The following SNX25 variants were observed in gnomAD, a reference collection of about 807,000 sequenced individuals.
SNX25 encodes sorting nexin 25, also known as sorting nexin-25.
Under a neutral mutation model 113.7 loss-of-function variants are expected in SNX25, and 62 were observed. The observed-to-expected ratio is 0.55, with a 90% CI of 0.44 to 0.67. The LOEUF (loss-of-function observed/expected upper bound fraction) is 0.67. Ranked by LOEUF, SNX25 falls within the 30% of genes least tolerant of loss-of-function variation. The probability of loss-of-function intolerance (pLI) is 0.00; values close to 1 mark genes in which losing one functional copy is unlikely to be tolerated. For missense variants in SNX25, 1,014 were observed against 1,161.0 expected (o/e 0.87, Z 1.84); for synonymous variants, 421 against 436.2 (o/e 0.97, Z 0.43).
intron 12 of SNX25, among the ~76,000 whole-genome samples, chr4:185,345,179 CT>C (rs1195763960): frequency 6.6e-6 from 1 of 152,202 alleles, no homozygotes; most frequent in Non-Finnish European, 1.5e-5. Flanking sequence ...CTTTCCTCGT[CT>C]GTGGACTGAT....
At chr4:185,289,826 C>T (rs1320128697) in intron 6 of SNX25, among the ~76,000 whole-genome samples, 3 of 152,130 alleles carry the variant, frequency 2.0e-5, no homozygotes, top group African/African-American at 7.2e-5. Flanking sequence ...AGCAAAATAC[C>T]TTTCTTATTT....
chr4:185,331,911 A>T (rs1383050671), intron 9 of SNX25, among the ~76,000 whole-genome samples: 1 of 152,252 alleles, frequency 6.6e-6, no homozygotes, highest in African/African-American at 2.4e-5. Context: ...AAAACCTGGA[A>T]GAAAGTTAAG....
intron 1 of SNX25, among the ~76,000 whole-genome samples, chr4:185,234,817 T>C (rs1482171993): frequency 6.6e-6 from 1 of 152,262 alleles, no homozygotes; most frequent in Admixed American, 6.5e-5. Flanking sequence ...AATAATTCAT[T>C]AATTTAAATA....
At chr4:185,241,394 G>C (rs1461707643) in intron 1 of SNX25, among the ~76,000 whole-genome samples, 6 of 149,908 alleles carry the variant, frequency 4.0e-5, no homozygotes, top group African/African-American at 1.5e-4. Flanking sequence ...AGGAGAATCA[G>C]GCAGGGAGGT....
chr4:185,339,274 C>A, intron 10 of SNX25, 105 bp from the exon 11 acceptor site: 2 of 1,065,994 alleles, frequency 1.9e-6, no homozygotes, highest in South Asian at 3.6e-5. Context: ...GTTAGTGTAT[C>A]GAAACACAGC....
intron 14 of SNX25, 87 bp downstream of exon 14, chr4:185,351,696 C>T (rs1486103115): frequency 1.4e-6 from 2 of 1,388,662 alleles, no homozygotes; most frequent in East Asian, 4.6e-5. Flanking sequence ...GCAAATCCCT[C>T]TATTTTCAGT....
At chr4:185,251,621 G>GTGTA (rs1560935709) in intron 2 of SNX25, among the ~76,000 whole-genome samples, 1 of 106,498 alleles carries the variant, frequency 9.4e-6, no homozygotes, top group Non-Finnish European at 2.3e-5. Flanking sequence ...GTGTGTGTGT[G>GTGTA]TGTGTGTGTG....
In SNX25 at chr4:185,363,309, T is replaced by C; in HGVS notation, c.2935-76T>C. On this transcript the variant is annotated intron_variant, in intron 18 of 18. Transcript: ENST00000652585. This position sits in a 1 kb window ranked among gnomAD's most constrained non-coding sequence, Gnocchi z 4.2. ...CAGACCTAAAATTAGACTTTTCTCTTAGATGCAGATATTTATTTTGAATAA... is the reference window on the plus strand; with the variant it reads ...CAGACCTAAAATTAGACTTTTCTCTCAGATGCAGATATTTATTTTGAATAA... 7.2e-7 allele frequency: 1 copy of C among 1,390,416 alleles called. No homozygotes were observed. The highest frequency in any genetic ancestry group is 1.0e-6 in the Non-Finnish European group (1 of 993,188). 86.1% of individuals were successfully genotyped at this position (1,390,416 alleles called of 1,614,324 possible).
At chr4:185,370,851 C>G, downstream of SNX25, 2 of 1,607,624 alleles carry the variant, frequency 1.2e-6, no homozygotes, top group South Asian at 2.2e-5. Context: ...GAAAAGACAT[C>G]AGTTATGGTA....
chr4:185,259,967 G>T (rs1407845080), intron 3 of SNX25, among the ~76,000 whole-genome samples: 1 of 152,050 alleles, frequency 6.6e-6, no homozygotes, highest in East Asian at 1.9e-4. Context: ...AGGTTTACGA[G>T]GCCAAAATCC....
At chr4:185,366,097 A>G (rs892678672), downstream of SNX25, 8 of 152,244 alleles carry the variant, frequency 5.3e-5, no homozygotes, top group African/African-American at 1.9e-4. Context: ...AAAAAAAGGA[A>G]TAGTTAAGGT....
In SNX25 at chr4:185,323,641, T is replaced by C. The variant is rs2095136255; in HGVS notation, c.1590T>C (p.Asn530=). ...AAATTCAGCAGTGTCTTGTAGGAAA[T>C]AAAGGTATTGAAGTATTCTACAAAA... ...YKEIQQCLVG[N]KGIEVFYKIQ... The change falls in exon 9 of 19, where the codon AAT becomes AAC. Residue 530 remains asparagine, a synonymous_variant. Coordinates refer to ENST00000652585, the MANE Select transcript of SNX25 (RefSeq NM_001378034.2). 1.9e-6 allele frequency: 3 copies of C among 1,613,676 alleles called. No individual in the cohort carries two copies. Among genetic ancestry groups the C allele is most frequent in the Non-Finnish European group, 2.5e-6 (3 of 1,179,768 alleles).
chr4:185,216,854 T>G (rs2126318067), intron 1 of SNX25, among the ~76,000 whole-genome samples: 1 of 152,216 alleles, frequency 6.6e-6, no homozygotes, highest in South Asian at 2.1e-4. Flanking sequence ...AGCAAAATCA[T>G]CTAAAGGAAG....
chr4:185,276,199 A>G (rs180980350), intron 5 of SNX25, among the ~76,000 whole-genome samples: 44 of 152,348 alleles, frequency 2.9e-4, no homozygotes, highest in East Asian at 1.9e-4. Flanking sequence ...TGAGGTATGC[A>G]TATCTGCTTT....
chr4:185,242,084 A>G (rs1487377758), intron 1 of SNX25, among the ~76,000 whole-genome samples: 2 of 152,174 alleles, frequency 1.3e-5, no homozygotes, highest in East Asian at 3.8e-4. Flanking sequence ...AAATAAGAGT[A>G]TGTAGTGGCT....
intron 13 of SNX25, among the ~76,000 whole-genome samples, chr4:185,349,401 T>C (rs1361458825): frequency 1.3e-5 from 2 of 152,236 alleles, no homozygotes; most frequent in Admixed American, 1.3e-4. Flanking sequence ...TTTGACATAC[T>C]GATTTCATTT....
At chr4:185,373,172 A>G (rs1407258648), downstream of SNX25, 3 of 1,145,166 alleles carry the variant, frequency 2.6e-6, no homozygotes, top group East Asian at 2.4e-5. Flanking sequence ...TGTTTCCTAG[A>G]TAGCACTATT....
At chr4:185,282,842 C>T (rs555139337) in intron 5 of SNX25, among the ~76,000 whole-genome samples, 10 of 152,252 alleles carry the variant, frequency 6.6e-5, no homozygotes, top group Middle Eastern at 3.4e-3. Flanking sequence ...ATTCTTGAAC[C>T]GAACTCAGCA....
At chr4:185,246,014 C>T (rs945687438) in intron 1 of SNX25, among the ~76,000 whole-genome samples, 2 of 152,022 alleles carry the variant, frequency 1.3e-5, no homozygotes, top group Admixed American at 6.6e-5. Flanking sequence ...AGGCCGGGTG[C>T]GGTGGCTCAC....
Sources: gnomAD v4.1 joint callset for allele counts (sites outside exome capture counted in the v4.1 genomes callset) on GRCh38, gnomAD v4.1.1 for gene constraint, Gnocchi (gnomAD v3.1) non-coding constraint, MANE v1.5 for transcripts, NCBI Gene and HGNC (gene_info 2026-07-23, HGNC 2026-07-21) for gene names.